Variants in COA1 observed in about 807,000 individuals in gnomAD.
COA1 encodes cytochrome c oxidase assembly factor 1 homolog.
A neutral mutation model predicts 16.0 loss-of-function variants in COA1; 13 were observed. The observed-to-expected ratio is 0.81, with a 90% CI of 0.53 to 1.29. COA1 has a LOEUF of 1.29. COA1 is among the 50% of genes most tolerant of loss of function. The pLI is 0.00. For missense variants in COA1, 179 were observed against 177.0 expected (o/e 1.01, Z -0.06); for synonymous variants, 65 against 65.7 (o/e 0.99, Z 0.05).
chr7:43,615,022 G>C (rs1265522040), intron 6 of COA1, among the ~76,000 whole-genome samples: 1 of 152,180 alleles, frequency 6.6e-6, no homozygotes, highest in Admixed American at 6.5e-5. Flanking sequence ...ATTTGGTGAA[G>C]ATTTTCCCTA....
At chr7:43,704,591 T>C (rs2094895652) in intron 1 of COA1, among the ~76,000 whole-genome samples, 1 of 152,248 alleles carries the variant, frequency 6.6e-6, no homozygotes, top group Admixed American at 6.5e-5. Flanking sequence ...CTTCCTCAGC[T>C]TGATCTATTC....
chr7:43,711,318 A>G (rs962565054), intron 1 of COA1: 5 of 152,038 alleles, frequency 3.3e-5, no homozygotes, highest in Non-Finnish European at 7.4e-5. Flanking sequence ...TGTGCTCATC[A>G]TACCACATCA....
At chr7:43,661,613 G>A (rs988472449) in intron 1 of COA1, among the ~76,000 whole-genome samples, 4 of 149,308 alleles carry the variant, frequency 2.7e-5, no homozygotes, top group Non-Finnish European at 4.4e-5. Flanking sequence ...CTCCAGCCTG[G>A]GCGATAGAGC....
At chr7:43,670,487 CA>C (rs1208670802) in intron 1 of COA1, among the ~76,000 whole-genome samples, 2 of 151,988 alleles carry the variant, frequency 1.3e-5, no homozygotes, top group Non-Finnish European at 2.9e-5. Context: ...ACTCAGTCCC[CA>C]AAAGTAATTA....
At chr7:43,704,109 G>A (rs1323241383) in intron 1 of COA1, among the ~76,000 whole-genome samples, 1 of 152,190 alleles carries the variant, frequency 6.6e-6, no homozygotes, top group Non-Finnish European at 1.5e-5. Flanking sequence ...ATTCTTGCTT[G>A]GAATTTCTTT....
intron 6 of COA1, among the ~76,000 whole-genome samples, chr7:43,617,050 G>A (rs534566326): frequency 6.6e-6 from 1 of 152,356 alleles, no homozygotes; most frequent in South Asian, 2.1e-4. Flanking sequence ...GTTCTAGACT[G>A]AGGGAATACC....
At chr7:43,659,393 A>G (rs1175003539) in intron 1 of COA1, among the ~76,000 whole-genome samples, 1 of 152,232 alleles carries the variant, frequency 6.6e-6, no homozygotes, top group Non-Finnish European at 1.5e-5. Flanking sequence ...TTTCTAAATC[A>G]TTAGTCATGA....
intron 1 of COA1, among the ~76,000 whole-genome samples, chr7:43,663,190 G>A (rs1258617182): frequency 6.6e-6 from 1 of 152,162 alleles, no homozygotes; most frequent in African/African-American, 2.4e-5. Flanking sequence ...CTTGCCATAT[G>A]ATGTACCTGG....
intron 1 of COA1, among the ~76,000 whole-genome samples, chr7:43,676,055 T>C (rs989995252): frequency 6.6e-6 from 1 of 152,138 alleles, no homozygotes; most frequent in Non-Finnish European, 1.5e-5. Context: ...ATAAACAAAG[T>C]AGCTACTAAT....
chr7:43,673,817 A>G (rs1038282161), intron 1 of COA1, among the ~76,000 whole-genome samples: 1 of 152,242 alleles, frequency 6.6e-6, no homozygotes, highest in Non-Finnish European at 1.5e-5. Context: ...GTAGCCATAA[A>G]AAAGAACAAG....
At chr7:43,705,282 C>T (rs1018856461) in intron 1 of COA1, among the ~76,000 whole-genome samples, 7 of 152,230 alleles carry the variant, frequency 4.6e-5, no homozygotes, top group African/African-American at 1.2e-4. Flanking sequence ...ACATGCATGC[C>T]TGCAGAGTGG....
At chr7:43,681,066 T>C (rs1477574194) in intron 1 of COA1, among the ~76,000 whole-genome samples, 1 of 152,226 alleles carries the variant, frequency 6.6e-6, no homozygotes, top group Non-Finnish European at 1.5e-5. Context: ...TAGGAACTTA[T>C]TCATCAGTAT....
intron 2 of COA1, 44 bp downstream of exon 2, chr7:43,648,556 T>G (rs1252290289): frequency 6.2e-7 from 1 of 1,605,470 alleles, no homozygotes; most frequent in Admixed American, 1.7e-5. Flanking sequence ...GAGAATACCC[T>G]GGCAGGTTCT....
intron 6 of COA1, among the ~76,000 whole-genome samples, chr7:43,613,038 G>T (rs551805844): frequency 2.2e-4 from 34 of 152,320 alleles, no homozygotes; most frequent in African/African-American, 7.0e-4. Flanking sequence ...TAGTCATTCA[G>T]TACAGCGGCC....
At chr7:43,669,009 C>T (rs2093071608) in intron 1 of COA1, among the ~76,000 whole-genome samples, 1 of 152,124 alleles carries the variant, frequency 6.6e-6, no homozygotes, top group South Asian at 2.1e-4. Context: ...TTTCCTCTCA[C>T]CTAGAAGCAA....
intron 1 of COA1, among the ~76,000 whole-genome samples, chr7:43,679,320 A>T (rs1283034129): frequency 1.3e-5 from 2 of 152,306 alleles, no homozygotes; most frequent in African/African-American, 4.8e-5. Flanking sequence ...ACCACAAAAA[A>T]AAAAGTACAA....
chr7:43,695,352 G>C (rs1480643095), intron 1 of COA1, among the ~76,000 whole-genome samples: 2 of 151,928 alleles, frequency 1.3e-5, no homozygotes. Flanking sequence ...CAGTCACACT[G>C]ATCTCCTTGC....
chr7:43,646,857 G>A (rs2089457301), intron 3 of COA1: 1 of 268,044 alleles, frequency 3.7e-6, no homozygotes, highest in Non-Finnish European at 7.8e-6. Flanking sequence ...AAATGTTGCA[G>A]AGTGGATGAC....
At chr7:43,647,672 C>T (rs898875927) in intron 2 of COA1, 38 bp from the exon 3 acceptor site, 1 of 1,524,116 alleles carries the variant, frequency 6.6e-7, no homozygotes. Flanking sequence ...GTAGGATTCC[C>T]AGTTTTGTGC....
Sources: gnomAD v4.1 joint callset for allele counts (sites outside exome capture counted in the v4.1 genomes callset) on GRCh38, gnomAD v4.1.1 for gene constraint, MANE v1.5 for transcripts, NCBI Gene and HGNC (gene_info 2026-07-23, HGNC 2026-07-21) for gene names.